The following TRHR variants were observed in gnomAD, a reference collection of about 807,000 sequenced individuals.
TRHR encodes thyrotropin-releasing hormone receptor.
Under a neutral mutation model 28.0 loss-of-function variants are expected in TRHR, and 14 were observed. The ratio of observed to expected loss-of-function variants is 0.50; its 90% CI spans 0.33 to 0.78. The LOEUF (loss-of-function observed/expected upper bound fraction) is 0.78, where lower values mean the gene tolerates loss of function less well. Ranked by LOEUF, TRHR falls within the 30% of genes least tolerant of loss-of-function variation. The pLI is 0.02. For missense variants in TRHR, 438 were observed against 469.5 expected (o/e 0.93, Z 0.62); for synonymous variants, 176 against 171.9 (o/e 1.02, Z -0.18).
chr8:109,092,575 T>A (rs1227138120), intron 2 of TRHR, among the ~76,000 whole-genome samples: 1 of 151,984 alleles, frequency 6.6e-6, no homozygotes, highest in Non-Finnish European at 1.5e-5. Context: ...TAGCTGGGAT[T>A]ACAGGTGTGC....
At chr8:109,108,951 A>C (rs1811788959) in intron 2 of TRHR, among the ~76,000 whole-genome samples, 1 of 152,196 alleles carries the variant, frequency 6.6e-6, no homozygotes, top group African/African-American at 2.4e-5. Flanking sequence ...AATAGTTGCT[A>C]GTATTGCAGA....
At chr8:109,103,811 T>C (rs1349102773) in intron 2 of TRHR, among the ~76,000 whole-genome samples, 2 of 152,126 alleles carry the variant, frequency 1.3e-5, no homozygotes, top group Non-Finnish European at 2.9e-5. Flanking sequence ...TCGGGAAAGG[T>C]TATTAAATCA....
rs1416555841 is a variant in TRHR, at chr8:109,119,554, G to T, written c.*99G>T. ...GCCAATAGTCATATGTGAAGACAGA[G>T]CAGATCAGTCTTTGTCAATGCTCTA... On this transcript the variant is annotated 3_prime_UTR_variant, in exon 3 of 3. Coordinates refer to ENST00000518632, the MANE Select transcript of TRHR (RefSeq NM_003301.7). 1.4e-6 allele frequency: 2 copies of T among 1,416,572 alleles called. No homozygotes were observed. Among genetic ancestry groups the T allele is most frequent in the Non-Finnish European group, 1.9e-6 (2 of 1,028,296 alleles). The allele number at this position is 1,416,572 out of a possible 1,614,324, so 87.8% of individuals were successfully genotyped here.
chr8:109,091,082 C>T (rs963799128), intron 2 of TRHR, among the ~76,000 whole-genome samples: 1 of 152,150 alleles, frequency 6.6e-6, no homozygotes, highest in Non-Finnish European at 1.5e-5. Context: ...GATGAGAAAT[C>T]TGACAGCCGT....
chr8:109,102,750 GTTCCA>G (rs1811695165), intron 2 of TRHR, among the ~76,000 whole-genome samples: 1 of 152,032 alleles, frequency 6.6e-6, no homozygotes, highest in Non-Finnish European at 1.5e-5. Flanking sequence ...CTACTGATAA[GTTCCA>G]TTCATTTTTT....
chr8:109,099,220 A>T (rs1237481227), intron 2 of TRHR, among the ~76,000 whole-genome samples: 2 of 152,222 alleles, frequency 1.3e-5, no homozygotes, highest in African/African-American at 4.8e-5. Flanking sequence ...GGTCAGGATC[A>T]GGCAAAGTGG....
In TRHR at chr8:109,109,615, G is replaced by A. The variant is rs543890995; in HGVS notation, c.790-9433G>A. 2.6e-5 allele frequency among the ~76,000 whole-genome samples: 4 copies of A among 152,162 alleles called. No homozygotes were observed. The East Asian group carries it at 7.7e-4, about 29-fold the overall frequency. The stretch of plus-strand genomic sequence containing the variant: ...TTTTTTCCATTCTAGATTAAAATGT[G>A]TTCAGAAAGCACTGCATAGTTCCTG... On this transcript the variant is annotated intron_variant, in intron 2 of 2. Coordinates refer to ENST00000518632, the MANE Select transcript of TRHR (RefSeq NM_003301.7).
rs908327250 is a variant in TRHR at position 109,119,850 on chromosome 8, T to C, written c.*395T>C. On this transcript the variant is annotated 3_prime_UTR_variant, in exon 3 of 3. Coordinates refer to ENST00000518632, the MANE Select transcript of TRHR (RefSeq NM_003301.7). The stretch of plus-strand genomic sequence containing the variant: ...TAATTTATTTATACATTCGATAATT[T>C]GACAACATGCAGATTTTTAAATGTT... Among the ~76,000 whole-genome samples, 1 of 151,916 alleles carries C rather than the reference T, an allele frequency of 6.6e-6. No individual in the cohort carries two copies. Among genetic ancestry groups the C allele is most frequent in the Admixed American group, 6.6e-5 (1 of 15,212 alleles).
At chr8:109,116,663 T>C (rs1811927057) in intron 2 of TRHR, among the ~76,000 whole-genome samples, 1 of 152,140 alleles carries the variant, frequency 6.6e-6, no homozygotes, top group Non-Finnish European at 1.5e-5. Context: ...CTTTATCATT[T>C]TTTATTGTGT....
chr8:109,088,103 T>G lies in TRHR; in HGVS notation c.591T>G (p.Gly197=). 1.2e-6 allele frequency: 2 copies of G among 1,614,146 alleles called. No homozygotes were observed. The highest frequency in any genetic ancestry group is 2.2e-5 in the South Asian group (2 of 91,082). Residue 197 remains glycine (G), a synonymous_variant, in exon 2 of 3, where the codon GGT becomes GGG. Transcript: ENST00000518632. The part of the protein sequence containing the change: ...YYSPIYLMDF[G]VFYVVPMILA... ...CACCTATTTACCTAATGGACTTTGGTGTCTTTTATGTTGTGCCAATGATCC... is the reference window on the plus strand; with the variant it reads ...CACCTATTTACCTAATGGACTTTGGGGTCTTTTATGTTGTGCCAATGATCC...
At chr8:109,113,355 C>G (rs1811868319) in intron 2 of TRHR, among the ~76,000 whole-genome samples, 2 of 152,034 alleles carry the variant, frequency 1.3e-5, no homozygotes, top group Non-Finnish European at 2.9e-5. Context: ...ATTCATAACT[C>G]CAGTCTAACC....
chr8:109,099,286 G>A (rs1811642738), intron 2 of TRHR, among the ~76,000 whole-genome samples: 1 of 152,038 alleles, frequency 6.6e-6, no homozygotes, highest in Non-Finnish European at 1.5e-5. Flanking sequence ...AAAGCATGAA[G>A]AGCAGACTGA....
At chr8:109,106,362 C>T (rs1355630408) in intron 2 of TRHR, among the ~76,000 whole-genome samples, 3 of 152,058 alleles carry the variant, frequency 2.0e-5, no homozygotes, top group Non-Finnish European at 2.9e-5. Context: ...GGAGGCAAAT[C>T]CCATTTTAGG....
intron 2 of TRHR, among the ~76,000 whole-genome samples, chr8:109,094,710 T>A (rs1298685129): frequency 2.6e-4 from 40 of 151,612 alleles, no homozygotes; most frequent in Admixed American, 5.2e-4. Flanking sequence ...TATTTGCATG[T>A]TGCAAATATA....
chr8:109,101,997 A>G (rs1279925838), intron 2 of TRHR, among the ~76,000 whole-genome samples: 1 of 152,130 alleles, frequency 6.6e-6, no homozygotes, highest in Non-Finnish European at 1.5e-5. Flanking sequence ...AAAGAAGGAG[A>G]CTATTTCAGT....
intron 2 of TRHR, among the ~76,000 whole-genome samples, chr8:109,091,097 G>T (rs1586184409): frequency 6.6e-6 from 1 of 152,178 alleles, no homozygotes; most frequent in African/African-American, 2.4e-5. Flanking sequence ...AGCCGTCGGG[G>T]AGGCAGATTT....
chr8:109,112,562 C>G (rs1811851090), intron 2 of TRHR, among the ~76,000 whole-genome samples: 1 of 152,066 alleles, frequency 6.6e-6, no homozygotes. Flanking sequence ...TTCTGTCTCC[C>G]TTGTTACGAA....
At chr8:109,100,495 A>T (rs1433330473) in intron 2 of TRHR, among the ~76,000 whole-genome samples, 1 of 152,036 alleles carries the variant, frequency 6.6e-6, no homozygotes, top group Non-Finnish European at 1.5e-5. Flanking sequence ...CCAGCATGTT[A>T]TATTATATGG....
intron 2 of TRHR, among the ~76,000 whole-genome samples, chr8:109,097,449 T>C (rs765731294): frequency 6.6e-6 from 1 of 152,174 alleles, no homozygotes; most frequent in African/African-American, 2.4e-5. Context: ...TAAACATGTA[T>C]TGAGCACCAA....
Sources: allele counts gnomAD v4.1 joint callset (sites outside exome capture counted in the v4.1 genomes callset), GRCh38; gene constraint gnomAD v4.1.1; transcripts MANE v1.5; gene names NCBI Gene and HGNC (gene_info 2026-07-23, HGNC 2026-07-21).